CNTN6: variants seen among roughly 807,000 people sequenced by gnomAD.
The protein encoded by CNTN6 is contactin-6.
A neutral mutation model predicts 122.8 loss-of-function variants in CNTN6; 137 were observed. The observed-to-expected ratio is 1.12, with a 90% CI of 0.97 to 1.29. The LOEUF is 1.29. CNTN6 is among the 50% of genes most tolerant of loss of function. The pLI is 0.00. For missense variants in CNTN6, 1,634 were observed against 1,223.4 expected, an observed-to-expected ratio of 1.34 and a Z score of -5.01; for synonymous variants, 570 against 426.0, an observed-to-expected ratio of 1.34 and a Z score of -4.16.
chr3:1,300,803 C>T (rs1380251206), intron 7 of CNTN6, among the ~76,000 whole-genome samples: 3 of 152,000 alleles, frequency 2.0e-5, no homozygotes, highest in Non-Finnish European at 4.4e-5. Flanking sequence ...CTCTCTCTCT[C>T]TCCCCCTCTC....
intron 12 of CNTN6, among the ~76,000 whole-genome samples, chr3:1,366,670 C>T (rs1440816073): frequency 6.6e-6 from 1 of 152,096 alleles, no homozygotes; most frequent in Non-Finnish European, 1.5e-5. Context: ...CATGTTAGTG[C>T]TGGGGCTGAG....
chr3:1,097,396 T>A (rs2090587558), intron 1 of CNTN6, among the ~76,000 whole-genome samples: 1 of 152,188 alleles, frequency 6.6e-6, no homozygotes. Flanking sequence ...AATGAATAAA[T>A]AACTGAATTT....
At chr3:1,119,956 C>G (rs1456109170) in intron 1 of CNTN6, among the ~76,000 whole-genome samples, 1 of 152,014 alleles carries the variant, frequency 6.6e-6, no homozygotes, top group Non-Finnish European at 1.5e-5. Flanking sequence ...TTTTCTGATT[C>G]TAGAACGTTA....
intron 3 of CNTN6, among the ~76,000 whole-genome samples, chr3:1,227,525 A>G (rs1408700689): frequency 2.0e-5 from 3 of 152,194 alleles, no homozygotes; most frequent in Admixed American, 6.5e-5. Flanking sequence ...GTTGGCCAGT[A>G]TTATTGACTG....
chr3:1,250,496 C>T (rs2094647479), intron 4 of CNTN6, among the ~76,000 whole-genome samples: 1 of 152,156 alleles, frequency 6.6e-6, no homozygotes, highest in Non-Finnish European at 1.5e-5. Flanking sequence ...CAAACACACA[C>T]TCAAAACACA....
chr3:1,335,190 A>C (rs978420558), intron 11 of CNTN6, among the ~76,000 whole-genome samples: 1 of 152,150 alleles, frequency 6.6e-6, no homozygotes, highest in East Asian at 1.9e-4. Context: ...TGTCTCTCTG[A>C]TGAGGTTATA....
At chr3:1,171,713 C>A (rs1255401061) in intron 2 of CNTN6, among the ~76,000 whole-genome samples, 1 of 152,086 alleles carries the variant, frequency 6.6e-6, no homozygotes, top group African/African-American at 2.4e-5. Flanking sequence ...CTCAAGTGAG[C>A]TTCCCACCTC....
chr3:1,352,451 G>T lies in CNTN6; in HGVS notation c.1492G>T (p.Glu498Ter), dbSNP rs979616739. The change falls in exon 12 of 23, where the codon GAG (glutamate) becomes TAG (stop). Residue 498 changes from glutamate to a stop codon, truncating the protein, a stop_gained and splice_region_variant. Transcript: ENST00000446702. LOFTEE classifies it high-confidence loss of function. ...AKNTGSLIVK[E>*]RTVITVPPSK... is the part of the protein sequence containing the mutation. ...GAACACTGGCAGCCTCATTGTAAAA[G>T]GTATCATATTATCTTCATTTGTGCT... 4.4e-6 allele frequency: 7 copies of T among 1,608,706 alleles called. No individual in the cohort carries two copies. The highest frequency in any genetic ancestry group is 5.9e-6 in the Non-Finnish European group (7 of 1,176,652).
rs1559595325 is a variant in CNTN6, at chr3:1,245,223, TATATATATATATAC to T, written c.358+17232_358+17245del. Reference sequence around the variant, plus strand: ...ATATATATATATATATATATATATATATATATATATATACACACACACATATATATATAACATAT... The same window carrying T: ...ATATATATATATATATATATATATATACACACACATATATATATAACATAT... On this transcript the variant is annotated intron_variant, in intron 4 of 22. Transcript: ENST00000446702. Among the ~76,000 whole-genome samples, 53 of 18,766 alleles carry T rather than the reference TATATATATATATAC, an allele frequency of 2.8e-3. 4 individuals carry two copies. The highest frequency in any genetic ancestry group is 0.013 in the East Asian group (10 of 750). 12.3% of individuals were successfully genotyped at this position (18,766 alleles called of 152,430 possible).
intron 7 of CNTN6, among the ~76,000 whole-genome samples, chr3:1,320,499 C>T (rs975498898): frequency 1.3e-5 from 2 of 151,684 alleles, no homozygotes; most frequent in Admixed American, 1.3e-4. Flanking sequence ...GTTGGATGAG[C>T]CTCCCACATT....
chr3:1,160,283 A>G (rs1295926129), intron 2 of CNTN6, among the ~76,000 whole-genome samples: 3 of 149,016 alleles, frequency 2.0e-5, no homozygotes, highest in Non-Finnish European at 4.4e-5. Flanking sequence ...CTTTCCAATC[A>G]CAGCTGAGAC....
intron 4 of CNTN6, among the ~76,000 whole-genome samples, chr3:1,257,580 A>G (rs1257519362): frequency 6.6e-6 from 1 of 152,154 alleles, no homozygotes; most frequent in East Asian, 1.9e-4. Context: ...AATTCCATTT[A>G]ATAAGTAGTT....
intron 7 of CNTN6, among the ~76,000 whole-genome samples, chr3:1,311,382 CTT>C (rs1190863957): frequency 1.9e-5 from 2 of 103,114 alleles, no homozygotes; most frequent in Non-Finnish European, 3.6e-5. Flanking sequence ...TATAAAATGT[CTT>C]TATATGTACA....
intron 20 of CNTN6, among the ~76,000 whole-genome samples, chr3:1,392,126 G>A (rs1400782703): frequency 4.6e-5 from 7 of 152,236 alleles, no homozygotes; most frequent in African/African-American, 1.7e-4. Flanking sequence ...GAACAAAGCT[G>A]GAGGCATCAC....
At position 1,244,878 on chromosome 3, in the gene CNTN6, G is replaced by C. The variant is rs574411305; in HGVS notation, c.358+16885G>C. Among the ~76,000 whole-genome samples, 5 of 134,726 alleles carry C rather than the reference G, an allele frequency of 3.7e-5. No individual in the cohort carries two copies. In the South Asian group the frequency reaches 9.1e-4, roughly 24 times the overall value. The allele number at this position is 134,726 out of a possible 152,430, so 88.4% of individuals were successfully genotyped here. A position where few individuals can be genotyped will look rare whatever the true frequency, so the allele number is the denominator to read the frequency against. On this transcript the variant is annotated intron_variant, in intron 4 of 22. Coordinates refer to ENST00000446702, the MANE Select transcript of CNTN6 (RefSeq NM_001289080.2). ...AATTACAAAGAACCTTCTTAAGGGT[G>C]GGGGAGACTACAAAGTACCTTCTTA...
chr3:1,384,703 T>C (rs968532093), intron 19 of CNTN6, among the ~76,000 whole-genome samples: 3 of 139,948 alleles, frequency 2.1e-5, no homozygotes, highest in Non-Finnish European at 4.7e-5. Context: ...CACACACACG[T>C]ATACATATAC....
intron 7 of CNTN6, among the ~76,000 whole-genome samples, chr3:1,304,286 T>G (rs1697952463): frequency 9.2e-6 from 1 of 109,030 alleles, no homozygotes; most frequent in Non-Finnish European, 2.1e-5. Flanking sequence ...AGAAAGAGGT[T>G]TTTTTTTTCC....
intron 1 of CNTN6, among the ~76,000 whole-genome samples, chr3:1,130,817 T>C (rs2092316858): frequency 6.6e-6 from 1 of 152,092 alleles, no homozygotes; most frequent in Admixed American, 6.6e-5. Flanking sequence ...TGTGTCAAAA[T>C]AGGAATGATT....
At chr3:1,399,911 A>G (rs947439942) in intron 20 of CNTN6, among the ~76,000 whole-genome samples, 2 of 152,142 alleles carry the variant, frequency 1.3e-5, no homozygotes, top group African/African-American at 4.8e-5. Flanking sequence ...TCATGTAAGC[A>G]TACAGGGAAA....
Sources: gnomAD v4.1 joint callset for allele counts (sites outside exome capture counted in the v4.1 genomes callset) on GRCh38, gnomAD v4.1.1 for gene constraint, MANE v1.5 for transcripts, NCBI Gene and HGNC (gene_info 2026-07-23, HGNC 2026-07-21) for gene names.